The following ITGBL1 variants were observed in gnomAD, a reference collection of about 807,000 sequenced individuals.
ITGBL1 encodes integrin beta-like protein 1.
Under a neutral mutation model 68.5 loss-of-function variants are expected in ITGBL1, and 51 were observed. The observed-to-expected ratio is 0.74, with a 90% CI of 0.59 to 0.94. The LOEUF is 0.94. Among genes scored for constraint, ITGBL1 ranks in the 40% least tolerant of loss-of-function variants. ITGBL1 has a pLI of 0.00. For synonymous variants in ITGBL1, 209 were observed against 227.3 expected (o/e 0.92, Z 0.72); for missense variants, 649 against 647.4 (o/e 1.00, Z -0.03).
chr13:101,593,611 G>A (rs970418608), intron 6 of ITGBL1, among the ~76,000 whole-genome samples: 1 of 152,030 alleles, frequency 6.6e-6, no homozygotes, highest in East Asian at 1.9e-4. Context: ...CCTGTCATTT[G>A]CAACAATATG....
At chr13:101,717,448 C>G (rs1268727703), downstream of ITGBL1, 2 of 152,132 alleles carry the variant, frequency 1.3e-5, no homozygotes, top group African/African-American at 4.8e-5. Flanking sequence ...CTTTCCTCTT[C>G]ACTACCTAAA....
intron 7 of ITGBL1, among the ~76,000 whole-genome samples, chr13:101,614,740 A>T (rs1351298948): frequency 1.3e-5 from 2 of 152,176 alleles, no homozygotes; most frequent in Non-Finnish European, 2.9e-5. Flanking sequence ...GTTTAGCAGT[A>T]AAACCATTGC....
intron 3 of ITGBL1, among the ~76,000 whole-genome samples, chr13:101,572,877 A>AT (rs1291204080): frequency 6.6e-6 from 1 of 152,086 alleles, no homozygotes; most frequent in African/African-American, 2.4e-5. Flanking sequence ...CTGCTCTCAT[A>AT]TTATATATGA....
intron 7 of ITGBL1, among the ~76,000 whole-genome samples, chr13:101,668,629 T>C (rs2033281869): frequency 6.6e-6 from 1 of 152,098 alleles, no homozygotes; most frequent in South Asian, 2.1e-4. Flanking sequence ...GCTTGTCTAA[T>C]ATCTCAGTTT....
At chr13:101,598,334 T>G in intron 7 of ITGBL1, 35 bp downstream of exon 7, 2 of 1,478,630 alleles carry the variant, frequency 1.4e-6, no homozygotes, top group Non-Finnish European at 1.8e-6. Flanking sequence ...CCACGGCCTC[T>G]CCATCACAAT....
intron 7 of ITGBL1, among the ~76,000 whole-genome samples, chr13:101,661,356 A>T (rs9557721): frequency 0.22 from 33,639 of 151,972 alleles, 4,212 homozygotes; most frequent in South Asian, 0.34. Context: ...AATATTACTG[A>T]TCTTGCACCT....
chr13:101,514,005 C>A (rs1220691653), intron 2 of ITGBL1, among the ~76,000 whole-genome samples: 1 of 151,720 alleles, frequency 6.6e-6, no homozygotes, highest in Non-Finnish European at 1.5e-5. Flanking sequence ...AAAGTTAATG[C>A]CCTAAATTTA....
chr13:101,670,967 G>A (rs1295962417), intron 7 of ITGBL1, among the ~76,000 whole-genome samples: 8 of 152,080 alleles, frequency 5.3e-5, no homozygotes, highest in South Asian at 2.1e-4. Flanking sequence ...TGTTACATGC[G>A]ATAGAAATAA....
chr13:101,668,956 G>C (rs544045422), intron 7 of ITGBL1, among the ~76,000 whole-genome samples: 14 of 152,212 alleles, frequency 9.2e-5, no homozygotes, highest in South Asian at 2.1e-4. Flanking sequence ...GAAGTTGTAA[G>C]ATGTATATTC....
chr13:101,553,107 TAGAA>T (rs2049947622), intron 2 of ITGBL1, among the ~76,000 whole-genome samples: 1 of 152,158 alleles, frequency 6.6e-6, no homozygotes, highest in African/African-American at 2.4e-5. Flanking sequence ...CAAGTAGAAT[TAGAA>T]AGAGAAGTCA....
At chr13:101,516,810 A>T (rs963696645) in intron 2 of ITGBL1, among the ~76,000 whole-genome samples, 2 of 152,134 alleles carry the variant, frequency 1.3e-5, no homozygotes, top group African/African-American at 4.8e-5. Context: ...CTTCCATGTA[A>T]ACTGATTTGG....
chr13:101,537,640 A>T (rs2049602571), intron 2 of ITGBL1, among the ~76,000 whole-genome samples: 1 of 152,088 alleles, frequency 6.6e-6, no homozygotes, highest in Non-Finnish European at 1.5e-5. Context: ...TTATTAATTT[A>T]AAAACACACA....
chr13:101,702,936 C>T (rs1015905965), intron 8 of ITGBL1, among the ~76,000 whole-genome samples: 1 of 152,166 alleles, frequency 6.6e-6, no homozygotes, highest in Non-Finnish European at 1.5e-5. Flanking sequence ...AGTTTTCTAA[C>T]TTGGCTCTAC....
intron 2 of ITGBL1, among the ~76,000 whole-genome samples, chr13:101,554,038 T>TG (rs1594886860): frequency 1.3e-5 from 2 of 152,230 alleles, no homozygotes; most frequent in East Asian, 1.9e-4. Context: ...CCTCCCAAAG[T>TG]TCTGGGATTA....
intron 2 of ITGBL1, among the ~76,000 whole-genome samples, chr13:101,498,689 A>G (rs1356227601): frequency 6.6e-6 from 1 of 152,186 alleles, no homozygotes; most frequent in African/African-American, 2.4e-5. Flanking sequence ...TGTATGATGT[A>G]TTACTCAGCT....
chr13:101,697,528 A>G (rs1052560747), intron 8 of ITGBL1, among the ~76,000 whole-genome samples: 1 of 152,174 alleles, frequency 6.6e-6, no homozygotes, highest in Non-Finnish European at 1.5e-5. Context: ...TTTCTTTGGA[A>G]TTAAGTGAGG....
chr13:101,509,578 T>A (rs1486121020), intron 2 of ITGBL1, among the ~76,000 whole-genome samples: 1 of 152,136 alleles, frequency 6.6e-6, no homozygotes, highest in Non-Finnish European at 1.5e-5. Context: ...TAACCGATAT[T>A]CAATATCATT....
At chr13:101,604,885 T>TACACACACACACACACACACACACACAC (rs1449617732) in intron 7 of ITGBL1, among the ~76,000 whole-genome samples, 2 of 11,924 alleles carry the variant, frequency 1.7e-4, no homozygotes, top group Non-Finnish European at 3.7e-4. Flanking sequence ...TATATATATA[T>TACACACACACACACACACACACACACAC]ATACACACAC....
intron 7 of ITGBL1, among the ~76,000 whole-genome samples, chr13:101,609,207 C>A (rs879871014): frequency 6.6e-6 from 1 of 151,940 alleles, no homozygotes; most frequent in Admixed American, 6.6e-5. Context: ...CAGAACATGT[C>A]GGGAATGTAA....
Sources: gnomAD v4.1 joint callset for allele counts (sites outside exome capture counted in the v4.1 genomes callset) on GRCh38, gnomAD v4.1.1 for gene constraint, MANE v1.5 for transcripts, NCBI Gene and HGNC (gene_info 2026-07-23, HGNC 2026-07-21) for gene names.